Variants in POLA1 observed in about 807,000 individuals in gnomAD.
POLA1 encodes DNA polymerase alpha catalytic subunit.
Under a neutral mutation model 124.0 loss-of-function variants are expected in POLA1, and 15 were observed. That is an observed-to-expected ratio of 0.12 (90% confidence interval 0.08 to 0.19). POLA1 has a LOEUF of 0.19. Among genes scored for constraint, POLA1 ranks in the 10% least tolerant of loss-of-function variants. The pLI is 1.00. For missense variants in POLA1, 886 were observed against 1,103.4 expected (o/e 0.80, Z 2.79); for synonymous variants, 408 against 389.4 (o/e 1.05, Z -0.56).
chrX:24,809,933 A>T lies in POLA1; in HGVS notation c.2997+3A>T. 1 of 1,076,870 alleles carries T rather than the reference A, an allele frequency of 9.3e-7. No individual in the cohort carries two copies. The highest frequency in any genetic ancestry group is 1.3e-6 in the Non-Finnish European group (1 of 786,715). 88.7% of individuals were successfully genotyped at this position (1,076,870 alleles called of 1,213,427 possible). On this transcript the variant is annotated splice_donor_region_variant and intron_variant, in intron 27 of 36. Transcript: ENST00000379068. Reference sequence around the variant, plus strand: ...ATACGAAAGAGATGGTACAAAAGGTAATGTTGAGCATTTTCATTGTGTAAA... The same window carrying T: ...ATACGAAAGAGATGGTACAAAAGGTTATGTTGAGCATTTTCATTGTGTAAA...
Position 24,826,416 on chromosome X carries a change from T to C in POLA1, c.3562-11T>C, listed in dbSNP as rs2046171171. On this transcript the variant is annotated splice_polypyrimidine_tract_variant and intron_variant, in intron 31 of 36. Transcript: ENST00000379068. ...TCTTTTTACGTGTCTTTTTATCATA[T>C]CTTCTTTTAGGATGGATCAAACCTC... 7 of 1,161,643 alleles carry C rather than the reference T, an allele frequency of 6.0e-6. No homozygotes were observed. The highest frequency in any genetic ancestry group is 8.1e-6 in the Non-Finnish European group (7 of 866,815).
At chrX:24,819,028 C>A (rs187528845) in intron 30 of POLA1, among the ~76,000 whole-genome samples, 62 of 111,910 alleles carry the variant, frequency 5.5e-4, no homozygotes, top group African/African-American at 1.8e-3. Context: ...ATGGTATTTT[C>A]TTCGTAATGT....
chrX:24,732,507 A>AT lies in POLA1; in HGVS notation c.1771+59dup, dbSNP rs750534585. ...CTAACAGCTTGATTTGAATTTCCTTATTTTTTCTCCAGCTATTGGATCAGT... is the reference window on the plus strand; with the variant it reads ...CTAACAGCTTGATTTGAATTTCCTTATTTTTTTCTCCAGCTATTGGATCAGT... On this transcript the variant is annotated intron_variant, in intron 16 of 36. Coordinates refer to ENST00000379068, the MANE Select transcript of POLA1 (RefSeq NM_001330360.2). The AT allele has an allele frequency of 6.1e-5, 44 of 721,423 alleles. No homozygotes were observed. In the African/African-American group the frequency reaches 7.3e-4, roughly 12 times the overall value. 59.5% of individuals were successfully genotyped at this position (721,423 alleles called of 1,213,427 possible). A position where few individuals can be genotyped will look rare whatever the true frequency, so the allele number is the denominator to read the frequency against.
Position 24,693,942 on chromosome X carries a change from G to T in POLA1, c.-20G>T. ...CGCCAGTTTTGGGCTGGTTGGCGCG[G>T]AATCGGGAGATTCGGGACCATGGCA... On this transcript the variant is annotated 5_prime_UTR_variant, in exon 1 of 37. Transcript: ENST00000379068. 2 of 1,188,925 alleles carry T rather than the reference G, an allele frequency of 1.7e-6. No homozygotes were observed. Among genetic ancestry groups the T allele is most frequent in the Admixed American group, 2.3e-5 (1 of 43,120 alleles).
At chrX:24,832,944 C>T (rs189690529) in intron 32 of POLA1, among the ~76,000 whole-genome samples, 70 of 111,391 alleles carry the variant, frequency 6.3e-4, no homozygotes, top group African/African-American at 2.0e-3. Flanking sequence ...TTTGGGGGAA[C>T]GGTTAGTGTT....
intron 36 of POLA1, among the ~76,000 whole-genome samples, chrX:24,993,462 T>C (rs959187810): frequency 2.7e-5 from 3 of 112,631 alleles, no homozygotes; most frequent in African/African-American, 9.7e-5. Context: ...AGGCTGACTC[T>C]CAAAATCAAA....
At chrX:24,976,859 C>G (rs2048368741) in intron 36 of POLA1, among the ~76,000 whole-genome samples, 1 of 112,013 alleles carries the variant, frequency 8.9e-6, no homozygotes, top group African/African-American at 3.2e-5. Context: ...GAGTGCATCT[C>G]CCAGTAATCT....
intron 26 of POLA1, among the ~76,000 whole-genome samples, chrX:24,759,034 C>T (rs757168296): frequency 2.5e-4 from 28 of 111,418 alleles, no homozygotes; most frequent in Non-Finnish European, 5.7e-5. Flanking sequence ...GTGTGGGCAC[C>T]CGCACCCCTC....
intron 21 of POLA1, 90 bp downstream of exon 21, chrX:24,741,594 G>A (rs1303613409): frequency 5.2e-6 from 4 of 763,211 alleles, no homozygotes; most frequent in Admixed American, 2.6e-5. Flanking sequence ...GAGTCTAAAT[G>A]CATGCTTATA....
chrX:24,905,552 A>ACCC (rs757447706), intron 35 of POLA1, among the ~76,000 whole-genome samples: 4 of 62,054 alleles, frequency 6.4e-5, no homozygotes, highest in African/African-American at 2.9e-4. Flanking sequence ...GTAATGGTGA[A>ACCC]CCCCCCCCCC....
In POLA1 at chrX:24,874,057, T is replaced by A. The variant is rs1339866313; in HGVS notation, c.4048-13949T>A. ...AAAAAGCACTGGACTAGAAGTTCAG[T>A]CTACATGCTGTGTGACAGTGTGCAA... is the stretch of plus-strand genomic sequence containing the variant. On this transcript the variant is annotated intron_variant, in intron 34 of 36. Coordinates refer to ENST00000379068, the MANE Select transcript of POLA1 (RefSeq NM_001330360.2). Among the ~76,000 whole-genome samples, 4 of 111,992 alleles carry A rather than the reference T, an allele frequency of 3.6e-5. No individual in the cohort carries two copies. The East Asian group carries it at 1.1e-3, about 31-fold the overall frequency.
At chrX:24,958,394 A>G (rs779532267) in intron 36 of POLA1, among the ~76,000 whole-genome samples, 2 of 112,021 alleles carry the variant, frequency 1.8e-5, no homozygotes, top group African/African-American at 3.2e-5. Context: ...ACGAAACCCA[A>G]TGGAATCTTT....
At chrX:24,854,296 C>T (rs940455800) in intron 34 of POLA1, among the ~76,000 whole-genome samples, 11 of 110,772 alleles carry the variant, frequency 9.9e-5, no homozygotes, top group Non-Finnish European at 1.9e-4. Context: ...TCACCCCCCT[C>T]GCCTCAACCT....
At chrX:24,815,948 CAT>C (rs1487974911) in intron 30 of POLA1, among the ~76,000 whole-genome samples, 1 of 111,710 alleles carries the variant, frequency 9.0e-6, no homozygotes, top group Non-Finnish European at 1.9e-5. Flanking sequence ...TTTCATTTAA[CAT>C]AAACATTTTC....
At chrX:24,918,632 A>G (rs754137635) in intron 35 of POLA1, among the ~76,000 whole-genome samples, 5 of 111,971 alleles carry the variant, frequency 4.5e-5, no homozygotes, top group South Asian at 7.5e-4. Context: ...TCACATTACT[A>G]TTAATATGAA....
intron 36 of POLA1, among the ~76,000 whole-genome samples, chrX:24,982,148 C>T (rs1314663045): frequency 9.2e-6 from 1 of 109,282 alleles, no homozygotes; most frequent in Non-Finnish European, 1.9e-5. Flanking sequence ...TTAAAGTGGG[C>T]ATTATGCCAG....
intron 36 of POLA1, among the ~76,000 whole-genome samples, chrX:24,967,939 C>T (rs908261598): frequency 9.0e-6 from 1 of 111,717 alleles, no homozygotes; most frequent in Admixed American, 9.5e-5. Context: ...TGAAGAAAAA[C>T]ATCAACAATT....
intron 26 of POLA1, among the ~76,000 whole-genome samples, chrX:24,757,014 T>A (rs2148417487): frequency 9.0e-6 from 1 of 111,277 alleles, no homozygotes; most frequent in African/African-American, 3.3e-5. Context: ...TGATTTTTTT[T>A]AATATGAGAA....
intron 14 of POLA1, among the ~76,000 whole-genome samples, chrX:24,727,349 T>C (rs1216554376): frequency 9.0e-6 from 1 of 111,337 alleles, no homozygotes; most frequent in East Asian, 2.8e-4. Flanking sequence ...GGCCCAGCTG[T>C]TGTGCATAGT....
Sources: gnomAD v4.1 joint callset for allele counts (sites outside exome capture counted in the v4.1 genomes callset) on GRCh38, gnomAD v4.1.1 for gene constraint, MANE v1.5 for transcripts, NCBI Gene and HGNC (gene_info 2026-07-23, HGNC 2026-07-21) for gene names.